BAZ2B: variants seen among roughly 807,000 people sequenced by gnomAD.
BAZ2B encodes the protein bromodomain adjacent to zinc finger domain protein 2B.
BAZ2B carries 91 observed loss-of-function variants against 246.0 expected under a neutral mutation model. The ratio of observed to expected loss-of-function variants is 0.37; its 90% confidence interval spans 0.31 to 0.44. The LOEUF is 0.44. Among genes scored for constraint, BAZ2B ranks in the 20% least tolerant of loss-of-function variants. BAZ2B has a pLI of 1.00. For synonymous variants in BAZ2B, 855 were observed against 860.0 expected, an observed-to-expected ratio of 0.99 and a Z score of 0.10; for missense variants, 2,332 against 2,533.7, an observed-to-expected ratio of 0.92 and a Z score of 1.71.
chr2:159,325,533 T>C (rs2063593407), intron 35 of BAZ2B, 120 bp downstream of exon 35: 5 of 1,095,828 alleles, frequency 4.6e-6, no homozygotes, highest in African/African-American at 3.4e-5. Context: ...TTAACATTTA[T>C]GCTTTACATT....
intron 1 of BAZ2B, among the ~76,000 whole-genome samples, chr2:159,564,526 G>T (rs2090172515): frequency 6.6e-6 from 1 of 152,130 alleles, no homozygotes; most frequent in African/African-American, 2.4e-5. Context: ...GAAATAAGAA[G>T]ACTATCACGG....
chr2:159,555,075 T>C (rs1296656700), intron 2 of BAZ2B, among the ~76,000 whole-genome samples: 1 of 145,846 alleles, frequency 6.9e-6, no homozygotes, highest in Non-Finnish European at 1.5e-5. Flanking sequence ...GGGGGGTGTG[T>C]GTGTGTGTGT....
At chr2:159,650,900 T>A in the BAZ2B span, among the ~76,000 whole-genome samples, 3 of 152,246 alleles carry the variant, frequency 2.0e-5, no homozygotes, top group Non-Finnish European at 4.4e-5. Flanking sequence ...TGTTGCCCAA[T>A]GCCCAATGTC....
At chr2:159,315,963 CAAAA>C (rs1237184351), downstream of BAZ2B, among the ~76,000 whole-genome samples, 2 of 151,922 alleles carry the variant, frequency 1.3e-5, no homozygotes, top group African/African-American at 2.4e-5. Flanking sequence ...TTTTTCAACT[CAAAA>C]GAAACAGAAA....
At chr2:159,580,836 A>G (rs1244920368) in intron 1 of BAZ2B, among the ~76,000 whole-genome samples, 2 of 152,188 alleles carry the variant, frequency 1.3e-5, no homozygotes. Context: ...CTATTTAATA[A>G]ATGGTGTTGG....
intron 33 of BAZ2B, among the ~76,000 whole-genome samples, 183 bp downstream of exon 33, chr2:159,336,757 AAC>A (rs1188604387): frequency 1.3e-5 from 2 of 152,198 alleles, no homozygotes; most frequent in African/African-American, 4.8e-5. Context: ...AATAAAAGAT[AAC>A]ACATTTGAAA....
At chr2:159,605,791 C>CCAG (rs964473856) in intron 1 of BAZ2B, among the ~76,000 whole-genome samples, 58 of 152,152 alleles carry the variant, frequency 3.8e-4, no homozygotes, top group African/African-American at 1.3e-3. Flanking sequence ...GCTTTTCTTC[C>CCAG]CAGGCATGCC....
At chr2:159,687,888 T>C in the BAZ2B span, among the ~76,000 whole-genome samples, 548 of 152,256 alleles carry the variant, frequency 3.6e-3, 4 homozygotes, top group African/African-American at 0.012. Flanking sequence ...CAGAACAAAA[T>C]TGAATTGCAT....
chr2:159,648,130 T>C, the BAZ2B span, among the ~76,000 whole-genome samples: 2 of 151,282 alleles, frequency 1.3e-5, no homozygotes, highest in Non-Finnish European at 3.0e-5. Context: ...TATTTGTTTG[T>C]TTATTTATTT....
chr2:159,614,617 C>T (rs1695473962), intron 1 of BAZ2B, among the ~76,000 whole-genome samples: 1 of 151,734 alleles, frequency 6.6e-6, no homozygotes, highest in Non-Finnish European at 1.5e-5. Context: ...CAGTTGAAAC[C>T]TTTAAATTAA....
intron 27 of BAZ2B, among the ~76,000 whole-genome samples, chr2:159,364,363 A>G (rs1299664574): frequency 1.3e-5 from 2 of 152,120 alleles, no homozygotes; most frequent in East Asian, 1.9e-4. Flanking sequence ...TTTCTTTATC[A>G]GGGTGGGGTA....
intron 2 of BAZ2B, among the ~76,000 whole-genome samples, chr2:159,503,159 T>C (rs1461354102): frequency 6.6e-6 from 1 of 152,164 alleles, no homozygotes; most frequent in African/African-American, 2.4e-5. Flanking sequence ...CTCCCCTACT[T>C]AAAATCTTTC....
chr2:159,647,055 T>C, the BAZ2B span, among the ~76,000 whole-genome samples: 130 of 152,294 alleles, frequency 8.5e-4, no homozygotes, highest in African/African-American at 2.9e-3. Context: ...TTCCAGCCTC[T>C]ACACTTACCC....
intron 2 of BAZ2B, among the ~76,000 whole-genome samples, chr2:159,499,183 C>T (rs892253560): frequency 6.6e-6 from 1 of 152,140 alleles, no homozygotes; most frequent in South Asian, 2.1e-4. Flanking sequence ...CCCCCGTCCC[C>T]GCCACTCCGA....
intron 2 of BAZ2B, among the ~76,000 whole-genome samples, chr2:159,539,706 T>C (rs956347739): frequency 3.9e-5 from 6 of 152,224 alleles, no homozygotes; most frequent in African/African-American, 1.4e-4. Context: ...TGAGACCCTG[T>C]CTGTATTTAA....
intron 2 of BAZ2B, among the ~76,000 whole-genome samples, chr2:159,487,403 T>C (rs2079960804): frequency 6.6e-6 from 1 of 152,198 alleles, no homozygotes; most frequent in Non-Finnish European, 1.5e-5. Context: ...ACCATTGGTT[T>C]AATGAATATC....
At chr2:159,464,750 AT>A (rs976574608) in intron 3 of BAZ2B, 2 of 152,192 alleles carry the variant, frequency 1.3e-5, no homozygotes, top group Admixed American at 1.3e-4. Context: ...TTCTGTGATA[AT>A]TTTTGTTGGA....
chr2:159,583,909 C>G (rs1420086196), intron 1 of BAZ2B, among the ~76,000 whole-genome samples: 47 of 152,008 alleles, frequency 3.1e-4, no homozygotes, highest in Admixed American at 3.0e-3. Flanking sequence ...ATACAAATAG[C>G]TTGAGGGAAG....
At chr2:159,711,491 A>C in the BAZ2B span, among the ~76,000 whole-genome samples, 1 of 152,198 alleles carries the variant, frequency 6.6e-6, no homozygotes, top group Non-Finnish European at 1.5e-5. Flanking sequence ...ACGTAGAAAC[A>C]CTGTGTTTCA....
Sources: allele counts gnomAD v4.1 joint callset (sites outside exome capture counted in the v4.1 genomes callset), GRCh38; gene constraint gnomAD v4.1.1; transcripts MANE v1.5; gene names NCBI Gene and HGNC (gene_info 2026-07-23, HGNC 2026-07-21).